The following GPR158 variants were observed in gnomAD, a reference collection of about 807,000 sequenced individuals.
The protein encoded by GPR158 is G protein-coupled receptor 158, also known as metabotropic glycine receptor.
GPR158 carries 30 observed loss-of-function variants against 78.2 expected under a neutral mutation model. The observed-to-expected ratio is 0.38, with a 90% confidence interval of 0.29 to 0.52. The LOEUF is 0.52. Among genes scored for constraint, GPR158 ranks in the 20% least tolerant of loss-of-function variants. The pLI is 0.83. For missense variants in GPR158, 1,463 were observed against 1,523.5 expected (o/e 0.96, Z 0.66); for synonymous variants, 581 against 591.1 (o/e 0.98, Z 0.25).
chr10:25,472,503 G>A (rs2130625206), intron 5 of GPR158, among the ~76,000 whole-genome samples: 1 of 152,320 alleles, frequency 6.6e-6, no homozygotes. Context: ...TGTGAAGAAA[G>A]TCATTGGTAG....
chr10:25,374,891 T>TTTCTGG (rs1176143935), intron 2 of GPR158, among the ~76,000 whole-genome samples: 6 of 151,758 alleles, frequency 4.0e-5, no homozygotes, highest in Non-Finnish European at 8.9e-5. Context: ...GTTAACTTTT[T>TTTCTGG]TTCTGGTTTA....
intron 2 of GPR158, among the ~76,000 whole-genome samples, chr10:25,234,080 T>G (rs1311760167): frequency 6.6e-6 from 1 of 152,210 alleles, no homozygotes; most frequent in East Asian, 1.9e-4. Context: ...CAAAGCTCTT[T>G]GGGATACTCA....
chr10:25,490,779 A>G (rs1422724985), intron 5 of GPR158, among the ~76,000 whole-genome samples: 2 of 150,990 alleles, frequency 1.3e-5, no homozygotes, highest in Admixed American at 6.6e-5. Context: ...TTATAGCAGC[A>G]TGATTTATAG....
intron 2 of GPR158, among the ~76,000 whole-genome samples, chr10:25,265,634 T>G (rs1854036123): frequency 6.6e-6 from 1 of 152,100 alleles, no homozygotes; most frequent in African/African-American, 2.4e-5. Flanking sequence ...TAGCTCTGAT[T>G]AGTGAAGGTA....
chr10:25,531,122 A>G (rs909730246), intron 5 of GPR158, among the ~76,000 whole-genome samples: 1 of 152,218 alleles, frequency 6.6e-6, no homozygotes, highest in Non-Finnish European at 1.5e-5. Flanking sequence ...TTCTTGAACA[A>G]TTCTTTTTTT....
intron 3 of GPR158, among the ~76,000 whole-genome samples, chr10:25,406,833 T>A (rs767702358): frequency 2.6e-5 from 4 of 152,106 alleles, no homozygotes; most frequent in Non-Finnish European, 5.9e-5. Flanking sequence ...AAGATATTAG[T>A]AGGAGGGAAG....
At chr10:25,413,154 C>G (rs1006935449) in intron 4 of GPR158, among the ~76,000 whole-genome samples, 29 of 146,842 alleles carry the variant, frequency 2.0e-4, no homozygotes, top group African/African-American at 7.7e-4. Flanking sequence ...GACCCTGTCT[C>G]TACAAAAAAA....
intron 2 of GPR158, among the ~76,000 whole-genome samples, chr10:25,308,898 G>T (rs970244218): frequency 1.3e-5 from 2 of 152,096 alleles, no homozygotes; most frequent in Admixed American, 1.3e-4. Flanking sequence ...TCCTTTTAAA[G>T]GCTGGATAAT....
At chr10:25,551,779 A>G (rs1180519939) in intron 6 of GPR158, among the ~76,000 whole-genome samples, 2 of 152,178 alleles carry the variant, frequency 1.3e-5, no homozygotes, top group African/African-American at 4.8e-5. Flanking sequence ...ATTAAGTGGA[A>G]TTAAGTGGTG....
At chr10:25,182,841 T>C (rs1301324499) in intron 1 of GPR158, among the ~76,000 whole-genome samples, 1 of 152,260 alleles carries the variant, frequency 6.6e-6, no homozygotes, top group African/African-American at 2.4e-5. Flanking sequence ...CTGTTTTCTC[T>C]GTTCAGTGCT....
At position 25,393,352 on chromosome 10, in the gene GPR158, A is replaced by C. The variant is rs529154103; in HGVS notation, c.1009-2559A>C. 8.5e-5 allele frequency among the ~76,000 whole-genome samples: 13 copies of C among 152,336 alleles called. No homozygotes were observed. In the South Asian group the frequency reaches 1.2e-3, roughly 15 times the overall value. ...GAATTTCAGCAAGGTAAAATATTTCAAGAATTCTAATGTAGTCTTAGTATC... is the reference window on the plus strand; with the variant it reads ...GAATTTCAGCAAGGTAAAATATTTCCAGAATTCTAATGTAGTCTTAGTATC... On this transcript the variant is annotated intron_variant, in intron 2 of 10. Transcript: ENST00000376351.
At chr10:25,380,926 G>T (rs1834145806) in intron 2 of GPR158, among the ~76,000 whole-genome samples, 1 of 152,188 alleles carries the variant, frequency 6.6e-6, no homozygotes, top group African/African-American at 2.4e-5. Flanking sequence ...GGAAAAGTAA[G>T]TTTCTAATCT....
At chr10:25,327,949 T>A (rs967523134) in intron 2 of GPR158, among the ~76,000 whole-genome samples, 1 of 152,210 alleles carries the variant, frequency 6.6e-6, no homozygotes, top group Non-Finnish European at 1.5e-5. Flanking sequence ...ATTGACCCTA[T>A]TCCTCTAGCT....
intron 5 of GPR158, among the ~76,000 whole-genome samples, chr10:25,478,493 CGTGTGTGTGTGT>C (rs71399974): frequency 1.4e-4 from 20 of 145,188 alleles, no homozygotes; most frequent in African/African-American, 3.0e-4. Flanking sequence ...ATATATAATG[CGTGTGTGTGTGT>C]GTGTGTGTGT....
At chr10:25,468,340 G>T (rs1835452902) in intron 5 of GPR158, among the ~76,000 whole-genome samples, 2 of 152,184 alleles carry the variant, frequency 1.3e-5, no homozygotes, top group South Asian at 4.2e-4. Context: ...ATTCTTTACA[G>T]GTATTTAAAT....
chr10:25,457,401 A>C (rs1835305265), intron 4 of GPR158, among the ~76,000 whole-genome samples: 1 of 151,554 alleles, frequency 6.6e-6, no homozygotes, highest in Non-Finnish European at 1.5e-5. Context: ...TCAAGACAAG[A>C]TCTCTTTATG....
intron 6 of GPR158, among the ~76,000 whole-genome samples, chr10:25,559,293 G>T (rs1836830888): frequency 6.6e-6 from 1 of 151,968 alleles, no homozygotes; most frequent in Admixed American, 6.6e-5. Flanking sequence ...GTGTTAGCAT[G>T]GTATTTTTTT....
At chr10:25,347,144 G>C (rs911249475) in intron 2 of GPR158, among the ~76,000 whole-genome samples, 20 of 152,004 alleles carry the variant, frequency 1.3e-4, no homozygotes, top group African/African-American at 4.8e-4. Flanking sequence ...CACTGAGCTA[G>C]AGTTCAGCTG....
chr10:25,292,408 G>C (rs1854452002), intron 2 of GPR158, among the ~76,000 whole-genome samples: 1 of 152,052 alleles, frequency 6.6e-6, no homozygotes, highest in Admixed American at 6.5e-5. Flanking sequence ...GGGTTACTTT[G>C]AATGGATACT....
Sources: allele counts gnomAD v4.1 joint callset (sites outside exome capture counted in the v4.1 genomes callset), GRCh38; gene constraint gnomAD v4.1.1; transcripts MANE v1.5; gene names NCBI Gene and HGNC (gene_info 2026-07-23, HGNC 2026-07-21).